The following PCDH15 variants were observed in gnomAD, a reference collection of about 807,000 sequenced individuals.
The protein encoded by PCDH15 is protocadherin-15.
PCDH15 carries 129 observed loss-of-function variants against 178.5 expected under a neutral mutation model. The ratio of observed to expected loss-of-function variants is 0.72; its 90% CI spans 0.63 to 0.84. PCDH15 has a LOEUF of 0.84. PCDH15 is among the 40% of genes least tolerant of loss of function. The pLI, the probability that PCDH15 is intolerant of heterozygous loss-of-function variation, is 0.00. For missense variants in PCDH15, 2,230 were observed against 2,099.9 expected (o/e 1.06, Z -1.21); for synonymous variants, 800 against 732.0 (o/e 1.09, Z -1.50).
At chr10:55,609,669 A>G (rs950180318) in intron 2 of PCDH15, among the ~76,000 whole-genome samples, 3 of 152,090 alleles carry the variant, frequency 2.0e-5, no homozygotes, top group African/African-American at 7.2e-5. Flanking sequence ...TATATCAAAA[A>G]TCTGAAAAAA....
At chr10:54,081,631 A>C (rs1461134620) in intron 16 of PCDH15, among the ~76,000 whole-genome samples, 1 of 152,106 alleles carries the variant, frequency 6.6e-6, no homozygotes, top group Non-Finnish European at 1.5e-5. Flanking sequence ...TCCTTTTATT[A>C]AATCCGAGAA....
At chr10:54,128,148 T>G (rs923240659) in intron 15 of PCDH15, among the ~76,000 whole-genome samples, 4 of 152,092 alleles carry the variant, frequency 2.6e-5, no homozygotes, top group Non-Finnish European at 5.9e-5. Flanking sequence ...CCCAATAAAT[T>G]CCACCATTAA....
chr10:55,299,756 G>T (rs541550242), intron 1 of PCDH15, among the ~76,000 whole-genome samples: 7 of 152,186 alleles, frequency 4.6e-5, no homozygotes, highest in African/African-American at 1.7e-4. Flanking sequence ...CAAGTCCCTA[G>T]CTAATTTAAG....
At chr10:54,066,569 T>G (rs2094140371) in intron 18 of PCDH15, among the ~76,000 whole-genome samples, 188 bp downstream of exon 18, 1 of 152,208 alleles carries the variant, frequency 6.6e-6, no homozygotes, top group African/African-American at 2.4e-5. Context: ...AATTATAAAA[T>G]GTAAATCTGT....
chr10:55,186,322 C>T (rs991744197), intron 1 of PCDH15, among the ~76,000 whole-genome samples: 15 of 150,634 alleles, frequency 1.0e-4, no homozygotes, highest in East Asian at 5.8e-4. Flanking sequence ...GCTTTATGTA[C>T]GGGACATTTT....
rs147117919 is a variant in PCDH15 at position 54,781,645 on chromosome 10, AG to A, written c.-29+19279del. 2.8e-3 allele frequency among the ~76,000 whole-genome samples: 426 copies of A among 152,280 alleles called. No individual in the cohort carries two copies. In the Middle Eastern group the frequency reaches 0.051, roughly 18 times the overall value. ...TGTGAATGACTTAGCCTATGGAAAA[AG>A]GTTTTGAATAAAAATTATTATTTTC... On this transcript the variant is annotated intron_variant, in intron 1 of 37. Transcript: ENST00000644397.
At chr10:54,701,686 C>G (rs769875183) in intron 1 of PCDH15, among the ~76,000 whole-genome samples, 14 of 152,006 alleles carry the variant, frequency 9.2e-5, no homozygotes, top group Non-Finnish European at 1.9e-4. Flanking sequence ...TTTAAACACA[C>G]AAGCAATTAA....
At chr10:53,960,991 T>A (rs1444280131) in intron 22 of PCDH15, among the ~76,000 whole-genome samples, 1 of 152,196 alleles carries the variant, frequency 6.6e-6, no homozygotes, top group Admixed American at 6.5e-5. Context: ...CATTATTTTG[T>A]CAAATATATT....
At chr10:54,858,497 G>A (rs1054064962) in intron 3 of PCDH15, among the ~76,000 whole-genome samples, 1 of 151,996 alleles carries the variant, frequency 6.6e-6, no homozygotes, top group Non-Finnish European at 1.5e-5. Context: ...TCAGTGAATC[G>A]CAATCACATG....
chr10:53,898,079 G>A (rs561071841), intron 26 of PCDH15, among the ~76,000 whole-genome samples: 2 of 145,176 alleles, frequency 1.4e-5, no homozygotes, highest in South Asian at 4.4e-4. Flanking sequence ...CCAATCTCCT[G>A]CCTCAGCCTC....
chr10:55,457,424 G>A (rs565761340), intron 2 of PCDH15, among the ~76,000 whole-genome samples: 1 of 152,120 alleles, frequency 6.6e-6, no homozygotes, highest in South Asian at 2.1e-4. Flanking sequence ...GTGTCCATGT[G>A]TGATATGTGT....
chr10:54,088,566 C>G (rs1428630098), intron 16 of PCDH15, among the ~76,000 whole-genome samples: 1 of 152,068 alleles, frequency 6.6e-6, no homozygotes, highest in African/African-American at 2.4e-5. Flanking sequence ...CCCAATTTAT[C>G]AATTTTATCG....
At chr10:53,874,246 T>C (rs2133249377) in intron 26 of PCDH15, among the ~76,000 whole-genome samples, 1 of 152,172 alleles carries the variant, frequency 6.6e-6, no homozygotes, top group Admixed American at 6.5e-5. Context: ...TCTATTAAGA[T>C]TTCCCTCCCC....
rs370124579 is a variant in PCDH15, at chr10:54,718,185, G to A, written c.-28-53895C>T. Among the ~76,000 whole-genome samples the A allele has an allele frequency of 7.7e-4, 116 of 150,032 alleles. 1 individual carries two copies. The highest frequency in any genetic ancestry group is 2.4e-3 in the African/African-American group (96 of 40,364). On this transcript the variant is annotated intron_variant, in intron 1 of 37. Transcript: ENST00000644397. The stretch of plus-strand genomic sequence containing the variant: ...TAGGTGACGAGTTAGTGGGTGCAGC[G>A]CACCAGCATGTCACATGTATACATA...
chr10:54,715,188 CA>C (rs1276257476), intron 1 of PCDH15, among the ~76,000 whole-genome samples: 1 of 152,078 alleles, frequency 6.6e-6, no homozygotes. Context: ...TTTCCTTATG[CA>C]AGGTAACTGA....
At chr10:55,184,724 A>T (rs1263342144) in intron 1 of PCDH15, among the ~76,000 whole-genome samples, 1 of 151,978 alleles carries the variant, frequency 6.6e-6, no homozygotes, top group Non-Finnish European at 1.5e-5. Context: ...GGGAAGCATG[A>T]TATTTTATTT....
chr10:55,179,640 T>C (rs193027847), intron 1 of PCDH15, among the ~76,000 whole-genome samples: 255 of 152,208 alleles, frequency 1.7e-3, no homozygotes, highest in Non-Finnish European at 3.0e-3. Flanking sequence ...GCTTAGTTTC[T>C]GTCGCTCAAT....
Position 55,103,568 on chromosome 10 carries a change from T to A in PCDH15, c.-80+63008A>T, listed in dbSNP as rs76850546. On this transcript the variant is annotated intron_variant, in intron 2 of 5. Coordinates refer to the PCDH15 transcript ENST00000458638. ...GACAGTTTTCTCCAGCAGAAATTTG[T>A]ATTGGGCCTCATGGCTTTTGCAGCT... Among the ~76,000 whole-genome samples the A allele has an allele frequency of 8.5e-3, 1,291 of 152,296 alleles. 19 individuals carry two copies. Among genetic ancestry groups the A allele is most frequent in the African/African-American group, 0.03 (1,257 of 41,576 alleles).
At chr10:54,355,239 T>C (rs535624276) in intron 5 of PCDH15, among the ~76,000 whole-genome samples, 3 of 152,080 alleles carry the variant, frequency 2.0e-5, no homozygotes, top group South Asian at 2.1e-4. Context: ...ATCATACTTA[T>C]TTTATGGTTA....
Sources: gnomAD v4.1 joint callset for allele counts (sites outside exome capture counted in the v4.1 genomes callset) on GRCh38, gnomAD v4.1.1 for gene constraint, MANE v1.5 for transcripts, NCBI Gene and HGNC (gene_info 2026-07-23, HGNC 2026-07-21) for gene names.